The following PCDHA1 variants were observed in gnomAD, a reference collection of about 807,000 sequenced individuals.
PCDHA1 encodes the protein protocadherin alpha-1.
A neutral mutation model predicts 61.3 loss-of-function variants in PCDHA1; 42 were observed. The ratio of observed to expected loss-of-function variants is 0.69; its 90% CI spans 0.54 to 0.89. PCDHA1 has a LOEUF of 0.89. Ranked by LOEUF, PCDHA1 falls within the 40% of genes least tolerant of loss-of-function variation. PCDHA1 has a pLI of 0.00. For synonymous variants in PCDHA1, 610 were observed against 553.8 expected (o/e 1.10, Z -1.43); for missense variants, 1,256 against 1,235.3 (o/e 1.02, Z -0.25).
At chr5:140,799,289 C>T (rs1461784852) in intron 1 of PCDHA1, among the ~76,000 whole-genome samples, 2 of 151,984 alleles carry the variant, frequency 1.3e-5, no homozygotes, top group African/African-American at 2.4e-5. Flanking sequence ...ATGTGACATT[C>T]CATTTTGCAA....
At chr5:140,795,108 C>T in intron 1 of PCDHA1, 1 of 1,614,042 alleles carries the variant, frequency 6.2e-7, no homozygotes, top group Non-Finnish European at 8.5e-7. Context: ...TGGGCCGCAT[C>T]GCGCAGGACC....
At chr5:140,841,633 C>T in intron 1 of PCDHA1, 1 of 1,614,144 alleles carries the variant, frequency 6.2e-7, no homozygotes, top group Non-Finnish European at 8.5e-7. Flanking sequence ...AGTGCAGCAT[C>T]CACCTGGAGG....
chr5:140,973,390 AATC>A (rs1554235235), intron 1 of PCDHA1, among the ~76,000 whole-genome samples: 1 of 152,224 alleles, frequency 6.6e-6, no homozygotes, highest in East Asian at 1.9e-4. Context: ...TAGACAAAGA[AATC>A]ATATCTATGA....
chr5:140,807,978 T>C (rs1554124372), intron 1 of PCDHA1: 1 of 1,613,852 alleles, frequency 6.2e-7, no homozygotes, highest in South Asian at 1.1e-5. Context: ...GTAATTAAAC[T>C]TAACGCCTCA....
chr5:140,818,662 C>T (rs147553541), intron 1 of PCDHA1, among the ~76,000 whole-genome samples: 3 of 152,228 alleles, frequency 2.0e-5, no homozygotes, highest in African/African-American at 7.2e-5. Flanking sequence ...TATAGGGAGA[C>T]TCCATCTTTA....
At chr5:140,809,195 G>T (rs1435429734) in intron 1 of PCDHA1, 1 of 1,614,064 alleles carries the variant, frequency 6.2e-7, no homozygotes, top group East Asian at 2.2e-5. Context: ...GGTGTCACTT[G>T]TGGAGAGTGG....
Position 140,788,152 on chromosome 5 carries a change from C to G in PCDHA1, c.1862C>G (p.Pro621Arg), listed in dbSNP as rs577909393. 1 of 1,614,028 alleles carries G rather than the reference C, an allele frequency of 6.2e-7. No individual in the cohort carries two copies. The highest frequency in any genetic ancestry group is 8.5e-7 in the Non-Finnish European group (1 of 1,179,924). ...CCGGCAGCAGGCGGCGCGCGCATCCCGTTCCGCGTGGGGCTGTACACGGGC... is the reference window on the plus strand; with the variant it reads ...CCGGCAGCAGGCGGCGCGCGCATCCGGTTCCGCGTGGGGCTGTACACGGGC... ...LQPAAGGARI[P>R]FRVGLYTGEI... The change falls in exon 1 of 4, where the codon CCG (proline) becomes CGG (arginine). Residue 621 changes from proline to arginine, a missense_variant. Physicochemically the swap from Pro to Arg is moderately radical, Grantham distance 103. Transcript: ENST00000504120.
intron 1 of PCDHA1, chr5:140,877,314 G>A (rs2057020187): frequency 6.2e-7 from 1 of 1,613,972 alleles, no homozygotes; most frequent in Admixed American, 1.7e-5. Context: ...TGCAACCGGC[G>A]GCGGTCGGCG....
chr5:140,924,909 AATAAAAT>A (rs1563069072), intron 1 of PCDHA1, among the ~76,000 whole-genome samples: 5 of 66,374 alleles, frequency 7.5e-5, no homozygotes, highest in African/African-American at 2.5e-4. Context: ...AAAAAAATAA[AATAAAAT>A]AAAATAAAAT....
In PCDHA1 at chr5:140,848,706, C is replaced by T. The variant is rs2150418265; in HGVS notation, c.2394+60022C>T. On this transcript the variant is annotated intron_variant, in intron 1 of 3. Coordinates refer to ENST00000504120, the MANE Select transcript of PCDHA1 (RefSeq NM_018900.4). ...CCTGTTCCAGTTGGATTCCAAAGGC[C>T]GCGGGGACCTTCTGGAGGTAAATCT... 43 of 1,592,328 alleles carry T rather than the reference C, an allele frequency of 2.7e-5. 5 individuals are homozygous for T. In the South Asian group the frequency reaches 4.1e-4, roughly 15 times the overall value.
intron 1 of PCDHA1, among the ~76,000 whole-genome samples, chr5:140,916,649 G>A (rs1331435832): frequency 6.6e-6 from 1 of 152,166 alleles, no homozygotes; most frequent in Non-Finnish European, 1.5e-5. Flanking sequence ...TGGCTGAGCT[G>A]GTATCCAAGA....
chr5:140,830,324 G>C (rs1770992912), intron 1 of PCDHA1: 1 of 1,614,086 alleles, frequency 6.2e-7, no homozygotes, highest in Non-Finnish European at 8.5e-7. Context: ...CTCCAGCGCA[G>C]TGGGGAGCTG....
Position 141,002,117 on chromosome 5 carries a change from C to T in PCDHA1, c.2543-7510C>T, listed in dbSNP as rs74680186. Among the ~76,000 whole-genome samples, 37 of 152,378 alleles carry T rather than the reference C, an allele frequency of 2.4e-4. 1 individual carries two copies. The East Asian group carries it at 6.0e-3, about 25-fold the overall frequency. ...GGGCTGGGCCGGAAACGGCTATAAT[C>T]ATTTAATAGCCTTTGCCGGCTGCAC... On this transcript the variant is annotated intron_variant, in intron 3 of 3. Transcript: ENST00000504120.
At chr5:140,875,342 A>G in intron 1 of PCDHA1, 1 of 1,443,152 alleles carries the variant, frequency 6.9e-7, no homozygotes, top group South Asian at 1.5e-5. Flanking sequence ...GATCGACTCC[A>G]TAATGACTGT....
intron 1 of PCDHA1, chr5:140,849,341 C>G: frequency 7.1e-7 from 1 of 1,407,916 alleles, no homozygotes; most frequent in African/African-American, 1.6e-5. Flanking sequence ...ACTCCTTCTC[C>G]AGTGATGTTT....
intron 1 of PCDHA1, among the ~76,000 whole-genome samples, chr5:140,818,178 C>A (rs1766296902): frequency 6.6e-6 from 1 of 152,140 alleles, no homozygotes; most frequent in African/African-American, 2.4e-5. Flanking sequence ...CTCTTATATT[C>A]TTCTGTGACT....
At chr5:140,882,407 C>A (rs368121978) in intron 1 of PCDHA1, 48 of 1,614,006 alleles carry the variant, frequency 3.0e-5, no homozygotes, top group Non-Finnish European at 1.3e-5. Flanking sequence ...CTTCGTGGGC[C>A]GCATCGCTCA....
intron 1 of PCDHA1, chr5:140,836,599 T>A (rs1166723338): frequency 6.2e-7 from 1 of 1,613,608 alleles, no homozygotes; most frequent in Admixed American, 1.7e-5. Context: ...AAGCCCACTC[T>A]GGTGTGCTCC....
chr5:140,809,511 G>C (rs374214403), intron 1 of PCDHA1: 1 of 1,614,228 alleles, frequency 6.2e-7, no homozygotes, highest in South Asian at 1.1e-5. Context: ...TTCAGCCCCA[G>C]TTTACCTGAC....
Sources: allele counts gnomAD v4.1 joint callset (sites outside exome capture counted in the v4.1 genomes callset), GRCh38; gene constraint gnomAD v4.1.1; transcripts MANE v1.5; gene names NCBI Gene and HGNC (gene_info 2026-07-23, HGNC 2026-07-21).